The following DDB2 variants were observed in gnomAD, a reference collection of about 807,000 sequenced individuals.
The protein encoded by DDB2 is DNA damage-binding protein 2.
Under a neutral mutation model 50.5 loss-of-function variants are expected in DDB2, and 27 were observed. The observed-to-expected ratio is 0.53, with a 90% confidence interval of 0.39 to 0.74. The LOEUF (loss-of-function observed/expected upper bound fraction) is 0.74. Among genes scored for constraint, DDB2 ranks in the 30% least tolerant of loss-of-function variants. DDB2 has a pLI of 0.00. For missense variants in DDB2, 424 were observed against 545.6 expected, an observed-to-expected ratio of 0.78 and a Z score of 2.22; for synonymous variants, 176 against 205.5, an observed-to-expected ratio of 0.86 and a Z score of 1.23.
rs1285602362 is a variant in DDB2 at position 47,235,068 on chromosome 11, C to A, written c.880+134C>A. On this transcript the variant is annotated intron_variant, in intron 6 of 9. Transcript: ENST00000256996. ...GTCTGCCAAGCTGATGTCTGGGAAC[C>A]TTTGTGGCTGTGGCTGTCCCCATCA... The A allele has an allele frequency of 3.8e-6, 5 of 1,308,948 alleles. No individual in the cohort carries two copies. In the African/African-American group the frequency reaches 5.9e-5, roughly 15 times the overall value. The allele number at this position is 1,308,948 out of a possible 1,614,324, so 81.1% of individuals were successfully genotyped here.
intron 3 of DDB2, among the ~76,000 whole-genome samples, chr11:47,221,339 T>C (rs1233183290): frequency 6.6e-6 from 1 of 150,994 alleles, no homozygotes; most frequent in Non-Finnish European, 1.5e-5. Flanking sequence ...AGTGGTGCGA[T>C]CTCACCTCAC....
chr11:47,233,107 A>G, intron 4 of DDB2, 148 bp downstream of exon 4: 2 of 975,414 alleles, frequency 2.1e-6, no homozygotes, highest in Middle Eastern at 3.1e-4. Context: ...CTCTTTCTCA[A>G]ACTGCTCCTT....
chr11:47,215,199 C>A lies in DDB2; in HGVS notation c.63C>A (p.Asn21Lys). ...CCGAGATTGTATTACGCCCCAGGAA[C>A]AAGAGGAGCAGGAGTCCCCTGGAGC... is the stretch of plus-strand genomic sequence containing the variant. ...KTSEIVLRPR[N>K]KRSRSPLELE... The change falls in exon 1 of 10, where the codon AAC becomes AAA. Residue 21 changes from asparagine to lysine, a missense_variant. Transcript: ENST00000256996. 6.2e-7 allele frequency: 1 copy of A among 1,614,108 alleles called. No individual in the cohort carries two copies. The highest frequency in any genetic ancestry group is 1.1e-5 in the South Asian group (1 of 91,064).
intron 3 of DDB2, among the ~76,000 whole-genome samples, chr11:47,230,836 C>A (rs988580517): frequency 6.6e-6 from 1 of 152,106 alleles, no homozygotes; most frequent in African/African-American, 2.4e-5. Context: ...TAAAACAGTG[C>A]CTGACTGGGC....
At chr11:47,214,905 C>G (rs1008168622), upstream of DDB2, 16 of 597,310 alleles carry the variant, frequency 2.7e-5, no homozygotes, top group African/African-American at 2.6e-4. Context: ...GGCACCACCC[C>G]CTCCCCGCGC....
intron 3 of DDB2, chr11:47,220,397 C>T (rs1953466999): frequency 6.6e-6 from 1 of 152,194 alleles, no homozygotes. Flanking sequence ...AGGAATTTAG[C>T]TTATGCCTGG....
intron 3 of DDB2, among the ~76,000 whole-genome samples, chr11:47,218,531 G>C (rs966729108): frequency 1.3e-5 from 2 of 152,196 alleles, no homozygotes; most frequent in African/African-American, 2.4e-5. Context: ...GAAAGACATA[G>C]TGTGACTGGG....
At chr11:47,230,729 C>T (rs1013219977) in intron 3 of DDB2, among the ~76,000 whole-genome samples, 1 of 152,106 alleles carries the variant, frequency 6.6e-6, no homozygotes, top group African/African-American at 2.4e-5. Context: ...TTGTACAGGT[C>T]TGTGAGGCTG....
At chr11:47,217,335 C>T (rs998067124) in intron 3 of DDB2, 2 of 274,162 alleles carry the variant, frequency 7.3e-6, no homozygotes, top group Non-Finnish European at 1.5e-5. Flanking sequence ...AAGATTGCAC[C>T]ATTACACTCC....
chr11:47,225,254 T>TAA (rs10708891), intron 3 of DDB2, among the ~76,000 whole-genome samples: 6 of 136,302 alleles, frequency 4.4e-5, no homozygotes, highest in East Asian at 2.3e-4. Context: ...CCTGTGTCTT[T>TAA]AAAAAAAAAA....
At chr11:47,234,099 T>C (rs542026060) in intron 4 of DDB2, among the ~76,000 whole-genome samples, 5 of 152,236 alleles carry the variant, frequency 3.3e-5, no homozygotes, top group Admixed American at 6.6e-5. Flanking sequence ...AGCTCCTGGT[T>C]GTGTTTTTTC....
chr11:47,227,625 C>T (rs1471438545), intron 3 of DDB2, among the ~76,000 whole-genome samples: 1 of 151,856 alleles, frequency 6.6e-6, no homozygotes, highest in Non-Finnish European at 1.5e-5. Context: ...ATTCTCCTGC[C>T]TCAGCCTCCC....
intron 4 of DDB2, chr11:47,233,179 TCTTCTGTAAGTCATA>T: frequency 4.9e-6 from 3 of 609,248 alleles, no homozygotes; most frequent in East Asian, 2.9e-5. Context: ...GAGCCTCAGC[TCTTCTGTAAGTCATA>T]CCTGTATTAG....
intron 3 of DDB2, among the ~76,000 whole-genome samples, chr11:47,225,284 A>C (rs1207723175): frequency 6.6e-6 from 1 of 151,260 alleles, no homozygotes; most frequent in Admixed American, 6.6e-5. Flanking sequence ...CTAACAAGTA[A>C]TACTGCTTTT....
At position 47,215,190 on chromosome 11, in the gene DDB2, C is replaced by G; in HGVS notation, c.54C>G (p.Arg18=). Residue 18 remains arginine, a synonymous_variant, in exon 1 of 10, where the codon CGC becomes CGG. Coordinates refer to ENST00000256996, the MANE Select transcript of DDB2 (RefSeq NM_000107.3). ...AGAAGACCTCCGAGATTGTATTACGCCCCAGGAACAAGAGGAGCAGGAGTC... is the reference window on the plus strand; with the variant it reads ...AGAAGACCTCCGAGATTGTATTACGGCCCAGGAACAAGAGGAGCAGGAGTC... ...ETQKTSEIVL[R]PRNKRSRSPL... The G allele has an allele frequency of 6.2e-7, 1 of 1,614,080 alleles. No individual in the cohort carries two copies. Among genetic ancestry groups the G allele is most frequent in the Non-Finnish European group, 8.5e-7 (1 of 1,180,022 alleles).
intron 3 of DDB2, among the ~76,000 whole-genome samples, chr11:47,223,568 C>G (rs1199843108): frequency 1.3e-5 from 2 of 152,028 alleles, no homozygotes; most frequent in Non-Finnish European, 2.9e-5. Context: ...ATCACGAGAT[C>G]AAGAGATTGA....
intron 3 of DDB2, among the ~76,000 whole-genome samples, chr11:47,219,552 A>G (rs557150203): frequency 1.1e-4 from 16 of 152,116 alleles, no homozygotes; most frequent in Admixed American, 7.9e-4. Context: ...GTCTCTCTAT[A>G]TTGCCCAGGC....
chr11:47,232,578 G>A (rs1451364993), intron 3 of DDB2, among the ~76,000 whole-genome samples: 1 of 152,146 alleles, frequency 6.6e-6, no homozygotes, highest in East Asian at 1.9e-4. Flanking sequence ...GATTGAGGCT[G>A]CAGTGAGCCG....
intron 3 of DDB2, among the ~76,000 whole-genome samples, chr11:47,228,224 A>G (rs1381260492): frequency 6.7e-6 from 1 of 149,644 alleles, no homozygotes; most frequent in Non-Finnish European, 1.5e-5. Flanking sequence ...AGCTGAGTGC[A>G]CCACTGCAGT....
Sources: allele counts gnomAD v4.1 joint callset (sites outside exome capture counted in the v4.1 genomes callset), GRCh38; gene constraint gnomAD v4.1.1; transcripts MANE v1.5; gene names NCBI Gene and HGNC (gene_info 2026-07-23, HGNC 2026-07-21).